The following LSAMP variants were observed in gnomAD, a reference collection of about 807,000 sequenced individuals.
LSAMP encodes the protein limbic system-associated membrane protein.
In LSAMP, 7 loss-of-function variants were observed where a neutral mutation model predicts 38.6. The observed-to-expected ratio is 0.18, with a 90% CI of 0.10 to 0.34. The LOEUF (loss-of-function observed/expected upper bound fraction) is 0.34, where lower values mean the gene tolerates loss of function less well. Ranked by LOEUF, LSAMP falls within the 10% of genes least tolerant of loss-of-function variation. The pLI, the probability that LSAMP is intolerant of heterozygous loss-of-function variation, is 1.00. For synonymous variants in LSAMP, 154 were observed against 166.8 expected, an observed-to-expected ratio of 0.92 and a Z score of 0.59; for missense variants, 313 against 420.0, an observed-to-expected ratio of 0.75 and a Z score of 2.23.
chr3:116,303,445 A>C (rs999856875), intron 1 of LSAMP, among the ~76,000 whole-genome samples: 2 of 152,224 alleles, frequency 1.3e-5, no homozygotes, highest in Non-Finnish European at 2.9e-5. Flanking sequence ...GCATTACATA[A>C]GTAATCTCAA....
intron 1 of LSAMP, among the ~76,000 whole-genome samples, chr3:116,208,675 G>C (rs923205958): frequency 5.9e-5 from 9 of 152,166 alleles, no homozygotes; most frequent in Admixed American, 2.0e-4. Flanking sequence ...AGGTGTCAGT[G>C]TGCCCCTGCT....
chr3:116,344,953 C>T (rs2048044054), intron 1 of LSAMP, among the ~76,000 whole-genome samples: 1 of 152,112 alleles, frequency 6.6e-6, no homozygotes, highest in Non-Finnish European at 1.5e-5. Context: ...GTTTTGATCT[C>T]CTTTAGGATA....
chr3:116,129,928 C>T (rs1709087765), intron 1 of LSAMP, among the ~76,000 whole-genome samples: 4 of 152,302 alleles, frequency 2.6e-5, no homozygotes, highest in Admixed American at 2.6e-4. Flanking sequence ...GATTTGGAGA[C>T]TGGATTATCA....
At chr3:116,416,280 T>C (rs1335727167) in intron 1 of LSAMP, among the ~76,000 whole-genome samples, 1 of 152,148 alleles carries the variant, frequency 6.6e-6, no homozygotes, top group African/African-American at 2.4e-5. Flanking sequence ...CCTACACATG[T>C]TTTGTACCAG....
intron 1 of LSAMP, among the ~76,000 whole-genome samples, chr3:116,324,164 T>C (rs1276041280): frequency 1.3e-5 from 2 of 152,176 alleles, no homozygotes; most frequent in Non-Finnish European, 2.9e-5. Flanking sequence ...TAAATTGTAA[T>C]TGATAATGCT....
At chr3:116,131,978 C>A (rs530039040) in intron 1 of LSAMP, among the ~76,000 whole-genome samples, 1 of 151,992 alleles carries the variant, frequency 6.6e-6, no homozygotes, top group East Asian at 1.9e-4. Flanking sequence ...TAGGTGCACA[C>A]TACCACGCCC....
chr3:116,158,009 G>T (rs1313221859), intron 1 of LSAMP, among the ~76,000 whole-genome samples: 1 of 152,082 alleles, frequency 6.6e-6, no homozygotes, highest in African/African-American at 2.4e-5. Flanking sequence ...AATCCACCGT[G>T]ATCAAGTAGG....
intron 1 of LSAMP, among the ~76,000 whole-genome samples, chr3:116,181,255 C>T (rs1271301062): frequency 1.3e-5 from 2 of 151,902 alleles, no homozygotes; most frequent in African/African-American, 4.8e-5. Flanking sequence ...CACAACACTG[C>T]CAAACAATTC....
At chr3:116,292,522 C>T (rs1053448154) in intron 1 of LSAMP, among the ~76,000 whole-genome samples, 10 of 152,146 alleles carry the variant, frequency 6.6e-5, no homozygotes, top group African/African-American at 2.4e-4. Flanking sequence ...AAATCTTGAG[C>T]AAATGCACCC....
At chr3:115,999,558 C>A (rs1011151774) in intron 3 of LSAMP, among the ~76,000 whole-genome samples, 1 of 152,136 alleles carries the variant, frequency 6.6e-6, no homozygotes, top group Non-Finnish European at 1.5e-5. Context: ...CAAAAAGATT[C>A]AAATCCCTGA....
chr3:116,243,666 T>C (rs1022279678), intron 1 of LSAMP, among the ~76,000 whole-genome samples: 1 of 152,170 alleles, frequency 6.6e-6, no homozygotes, highest in Non-Finnish European at 1.5e-5. Flanking sequence ...AGCCATTCAA[T>C]TTGAAGAGAA....
At chr3:115,915,074 G>C (rs1937218974) in intron 3 of LSAMP, among the ~76,000 whole-genome samples, 2 of 152,196 alleles carry the variant, frequency 1.3e-5, no homozygotes, top group South Asian at 4.1e-4. Context: ...GAAACGGTTT[G>C]AAAAGGGATG....
intron 1 of LSAMP, among the ~76,000 whole-genome samples, chr3:116,300,791 G>GACTT (rs1280052826): frequency 2.6e-5 from 4 of 152,020 alleles, no homozygotes; most frequent in Non-Finnish European, 4.4e-5. Flanking sequence ...GGGGATGGCT[G>GACTT]ACTTAAACTT....
intron 3 of LSAMP, among the ~76,000 whole-genome samples, chr3:115,954,611 A>G (rs976993675): frequency 3.9e-5 from 6 of 152,220 alleles, no homozygotes; most frequent in African/African-American, 1.2e-4. Flanking sequence ...AGCTCTTTCA[A>G]TGTTGGGGCC....
intron 1 of LSAMP, among the ~76,000 whole-genome samples, chr3:116,131,029 C>T (rs1393703313): frequency 1.3e-4 from 17 of 133,782 alleles, no homozygotes; most frequent in African/African-American, 2.5e-4. Context: ...CTTGATCTGT[C>T]GCCCAGGCTG....
At chr3:116,247,276 T>C (rs2046616802) in intron 1 of LSAMP, among the ~76,000 whole-genome samples, 1 of 152,194 alleles carries the variant, frequency 6.6e-6, no homozygotes, top group Non-Finnish European at 1.5e-5. Context: ...CCACAATCAA[T>C]GACAGAGAAC....
intron 1 of LSAMP, among the ~76,000 whole-genome samples, chr3:116,258,541 A>G (rs1252861360): frequency 1.3e-5 from 2 of 152,120 alleles, no homozygotes; most frequent in Non-Finnish European, 2.9e-5. Context: ...ATTCTAAAAG[A>G]AAATAATATT....
chr3:116,287,857 T>A (rs1299210473), intron 1 of LSAMP, among the ~76,000 whole-genome samples: 1 of 151,546 alleles, frequency 6.6e-6, no homozygotes, highest in East Asian at 1.9e-4. Context: ...CAAGAAGTGT[T>A]AATGGGCAGC....
At chr3:116,008,575 C>T (rs1940232854) in intron 3 of LSAMP, among the ~76,000 whole-genome samples, 1 of 152,136 alleles carries the variant, frequency 6.6e-6, no homozygotes, top group Non-Finnish European at 1.5e-5. Flanking sequence ...ATTTTTCCTC[C>T]AACATTTAGT....
Sources: gnomAD v4.1 joint callset for allele counts (sites outside exome capture counted in the v4.1 genomes callset) on GRCh38, gnomAD v4.1.1 for gene constraint, MANE v1.5 for transcripts, NCBI Gene and HGNC (gene_info 2026-07-23, HGNC 2026-07-21) for gene names.